DYM: variants seen among roughly 807,000 people sequenced by gnomAD.
DYM encodes the protein dyggve-Melchior-Clausen syndrome protein.
DYM carries 78 observed loss-of-function variants against 93.1 expected under a neutral mutation model. The ratio of observed to expected loss-of-function variants is 0.84; its 90% CI spans 0.70 to 1.01. The LOEUF (loss-of-function observed/expected upper bound fraction) is 1.01, where lower values mean the gene tolerates loss of function less well. Among genes scored for constraint, DYM ranks in the 50% least tolerant of loss-of-function variants. The pLI is 0.00. For synonymous variants in DYM, 321 were observed against 319.7 expected (o/e 1.00, Z -0.04); for missense variants, 789 against 845.0 (o/e 0.93, Z 0.82).
intron 15 of DYM, among the ~76,000 whole-genome samples, chr18:49,154,900 T>C (rs939968918): frequency 6.6e-6 from 1 of 152,204 alleles, no homozygotes; most frequent in African/African-American, 2.4e-5. Flanking sequence ...TGTGCATTAT[T>C]GAAAAATTTA....
intron 11 of DYM, among the ~76,000 whole-genome samples, chr18:49,261,829 T>C (rs889594878): frequency 1.3e-5 from 2 of 152,196 alleles, no homozygotes; most frequent in Non-Finnish European, 2.9e-5. Context: ...TATTCCCCCA[T>C]GGAGGAACAA....
chr18:49,153,404 T>G (rs2086036677), intron 15 of DYM, among the ~76,000 whole-genome samples: 1 of 152,224 alleles, frequency 6.6e-6, no homozygotes, highest in Non-Finnish European at 1.5e-5. Context: ...TTACACAGTT[T>G]CTTCAATATG....
intron 15 of DYM, among the ~76,000 whole-genome samples, chr18:49,125,967 C>T (rs1433327673): frequency 2.6e-5 from 4 of 152,194 alleles, no homozygotes; most frequent in African/African-American, 7.2e-5. Context: ...GGCTTAAAGC[C>T]TTCTCATCAT....
At chr18:49,231,705 C>G (rs1311217631) in intron 13 of DYM, among the ~76,000 whole-genome samples, 8 of 152,174 alleles carry the variant, frequency 5.3e-5, no homozygotes, top group Non-Finnish European at 1.5e-5. Context: ...TATCTGGTTC[C>G]TCTGAGGTAG....
intron 15 of DYM, among the ~76,000 whole-genome samples, chr18:49,132,887 T>C (rs1478203273): frequency 1.3e-5 from 2 of 152,168 alleles, no homozygotes; most frequent in Non-Finnish European, 1.5e-5. Flanking sequence ...GCACTTCTCA[T>C]ATAAAAAATT....
intron 17 of DYM, among the ~76,000 whole-genome samples, chr18:49,086,770 C>G (rs966684569): frequency 8.6e-5 from 13 of 151,944 alleles, no homozygotes; most frequent in African/African-American, 3.1e-4. Context: ...GGTGGATCAC[C>G]TGAGGTCAGG....
intron 7 of DYM, among the ~76,000 whole-genome samples, chr18:49,332,789 G>T (rs1248691163): frequency 6.6e-6 from 1 of 152,112 alleles, no homozygotes; most frequent in Non-Finnish European, 1.5e-5. Context: ...CACCCTCTAT[G>T]TCTATTTTTA....
At chr18:49,325,625 T>C (rs931556614) in intron 8 of DYM, among the ~76,000 whole-genome samples, 8 of 152,084 alleles carry the variant, frequency 5.3e-5, no homozygotes, top group Admixed American at 2.6e-4. Flanking sequence ...AAAAGGAAGA[T>C]AGCACATAAA....
intron 10 of DYM, among the ~76,000 whole-genome samples, chr18:49,273,663 C>A (rs1300298147): frequency 6.6e-6 from 1 of 152,136 alleles, no homozygotes; most frequent in Non-Finnish European, 1.5e-5. Context: ...GAGCCATAGG[C>A]TACACCATAA....
intron 16 of DYM, among the ~76,000 whole-genome samples, chr18:49,099,835 G>T (rs2079950818): frequency 6.6e-6 from 1 of 152,148 alleles, no homozygotes; most frequent in African/African-American, 2.4e-5. Context: ...AGATTAGACT[G>T]GTTCATCACT....
rs72415237 is a variant in DYM at position 49,292,592 on chromosome 18, GAAAAAAA to G, written c.764-5983_764-5977del. On this transcript the variant is annotated intron_variant, in intron 8 of 17. Transcript: ENST00000675505. ...TTAGTGGAATTGCATTTTCCTGTTG[GAAAAAAA>G]AAAAAAAAAAAAAAAAAAAAAAAAA... Among the ~76,000 whole-genome samples, 226 of 78,766 alleles carry G rather than the reference GAAAAAAA, an allele frequency of 2.9e-3. 1 individual carries two copies. Among genetic ancestry groups the G allele is most frequent in the South Asian group, 0.01 (21 of 2,086 alleles). The allele number at this position is 78,766 out of a possible 152,430, so 51.7% of individuals were successfully genotyped here. A position where few individuals can be genotyped will look rare whatever the true frequency, so the allele number is the denominator to read the frequency against.
intron 14 of DYM, among the ~76,000 whole-genome samples, chr18:49,177,847 G>A (rs1252071114): frequency 6.6e-6 from 1 of 151,992 alleles, no homozygotes; most frequent in Non-Finnish European, 1.5e-5. Flanking sequence ...TGGTTTCAGT[G>A]GGTTAATGAT....
intron 1 of DYM, among the ~76,000 whole-genome samples, chr18:49,430,984 G>A (rs772195130): frequency 6.6e-6 from 1 of 152,044 alleles, no homozygotes; most frequent in Non-Finnish European, 1.5e-5. Flanking sequence ...ATCTTAGGAT[G>A]GGCATAGCTC....
At chr18:49,414,609 AC>A (rs1327223705) in intron 2 of DYM, among the ~76,000 whole-genome samples, 1 of 152,130 alleles carries the variant, frequency 6.6e-6, no homozygotes, top group Non-Finnish European at 1.5e-5. Context: ...AGCAGAACTT[AC>A]TTCCACTTCA....
intron 3 of DYM, among the ~76,000 whole-genome samples, chr18:49,389,244 T>C (rs1568361943): frequency 6.6e-6 from 1 of 152,186 alleles, no homozygotes; most frequent in African/African-American, 2.4e-5. Context: ...CCCAAAAGTA[T>C]TTTTAAACAT....
At chr18:49,072,558 C>T (rs1340993170) in intron 17 of DYM, among the ~76,000 whole-genome samples, 3 of 152,236 alleles carry the variant, frequency 2.0e-5, no homozygotes, top group African/African-American at 7.2e-5. Context: ...AGAGTAAATG[C>T]TTTTCCTGAA....
chr18:49,424,242 C>T (rs1173565087), intron 2 of DYM, among the ~76,000 whole-genome samples: 5 of 152,114 alleles, frequency 3.3e-5, no homozygotes, highest in Admixed American at 2.6e-4. Context: ...GCTGGTTCAA[C>T]ATATGCAAAT....
At chr18:49,325,481 C>T (rs2062816705) in intron 8 of DYM, among the ~76,000 whole-genome samples, 1 of 152,082 alleles carries the variant, frequency 6.6e-6, no homozygotes. Flanking sequence ...CAAAAAGCCC[C>T]AAAATATAGG....
At chr18:49,194,149 G>A (rs577334005) in intron 14 of DYM, among the ~76,000 whole-genome samples, 1 of 152,328 alleles carries the variant, frequency 6.6e-6, no homozygotes, top group Non-Finnish European at 1.5e-5. Flanking sequence ...ATAATAAGCA[G>A]TTGTGCAAGT....
Sources: allele counts gnomAD v4.1 joint callset (sites outside exome capture counted in the v4.1 genomes callset), GRCh38; gene constraint gnomAD v4.1.1; transcripts MANE v1.5; gene names NCBI Gene and HGNC (gene_info 2026-07-23, HGNC 2026-07-21).